MAEA: variants seen among roughly 807,000 people sequenced by gnomAD.
MAEA encodes the protein macrophage erythroblast attacher, E3 ubiquitin ligase.
A neutral mutation model predicts 46.2 loss-of-function variants in MAEA; 22 were observed. That is an observed-to-expected ratio of 0.48 (90% CI 0.34 to 0.68). MAEA has a LOEUF of 0.68. MAEA is among the 30% of genes least tolerant of loss of function. The pLI is 0.01. For missense variants in MAEA, 393 were observed against 558.1 expected, an observed-to-expected ratio of 0.70 and a Z score of 2.98; for synonymous variants, 246 against 222.6, an observed-to-expected ratio of 1.11 and a Z score of -0.94.
intron 5 of MAEA, among the ~76,000 whole-genome samples, chr4:1,328,184 G>T (rs11726178): frequency 0.14 from 21,071 of 152,152 alleles, 2,569 homozygotes; most frequent in East Asian, 0.42. Flanking sequence ...TCTCCGGCCT[G>T]TCTCCGACCC....
In MAEA at chr4:1,332,784, A is replaced by C; in HGVS notation, c.684A>C (p.Ala228=). The C allele has an allele frequency of 6.2e-7, 1 of 1,613,214 alleles. No homozygotes were observed. The highest frequency in any genetic ancestry group is 1.1e-5 in the South Asian group (1 of 91,044). ...VRHARKHFSQ[A]EGSQLDEVRQ... The stretch of plus-strand genomic sequence containing the variant: ...ATGCAAGAAAGCACTTCAGCCAAGC[A>C]GAAGGGAGCCAGCTGGACGAGGTGC... The change falls in exon 6 of 9, where the codon GCA becomes GCC. Residue 228 remains alanine, a synonymous_variant. Coordinates refer to ENST00000303400, the MANE Select transcript of MAEA (RefSeq NM_001017405.3).
rs527412920 is a variant in MAEA at position 1,304,353 on chromosome 4, C to G, written c.70-7626C>G. ...GTCTCTATGTTGCCCAGGCTGGTCT[C>G]CAACTCCTGGCCTCAAGCAGTCCTC... On this transcript the variant is annotated intron_variant, in intron 1 of 8. Coordinates refer to ENST00000303400, the MANE Select transcript of MAEA (RefSeq NM_001017405.3). Among the ~76,000 whole-genome samples, 142 of 152,026 alleles carry G rather than the reference C, an allele frequency of 9.3e-4. 1 individual carries two copies. Among genetic ancestry groups the G allele is most frequent in the African/African-American group, 3.4e-3 (140 of 41,444 alleles).
At chr4:1,303,621 A>C (rs1366299578) in intron 1 of MAEA, among the ~76,000 whole-genome samples, 1 of 152,030 alleles carries the variant, frequency 6.6e-6, no homozygotes, top group Non-Finnish European at 1.5e-5. Context: ...TTTATATGGA[A>C]TTGGTTGGTG....
Position 1,311,966 on chromosome 4 carries a change from C to T in MAEA, c.70-13C>T, listed in dbSNP as rs994403173. The T allele has an allele frequency of 6.2e-7, 1 of 1,600,132 alleles. No individual in the cohort carries two copies. Among genetic ancestry groups the T allele is most frequent in the Non-Finnish European group, 8.6e-7 (1 of 1,169,578 alleles). On this transcript the variant is annotated splice_polypyrimidine_tract_variant and intron_variant, in intron 1 of 8. Transcript: ENST00000303400. This position sits in a 1 kb window ranked among gnomAD's most constrained non-coding sequence, Gnocchi z 4.4. Reference sequence around the variant, plus strand: ...AGGGGAGCAGATCCCTCACCATCCTCCTTCCTCTCCAGGTGCCCTACGAGA... The same window carrying T: ...AGGGGAGCAGATCCCTCACCATCCTTCTTCCTCTCCAGGTGCCCTACGAGA...
chr4:1,337,264 G>A (rs1712897791), intron 7 of MAEA: 3 of 485,118 alleles, frequency 6.2e-6, no homozygotes, highest in Non-Finnish European at 7.4e-6. Flanking sequence ...CTAAAAGCCC[G>A]ATTTTGATGT....
intron 3 of MAEA, among the ~76,000 whole-genome samples, chr4:1,317,461 G>A (rs994060783): frequency 1.3e-5 from 2 of 151,614 alleles, no homozygotes; most frequent in African/African-American, 2.4e-5. Flanking sequence ...CCCGCACCTC[G>A]TTCACCTTCT....
At chr4:1,323,483 A>G in intron 4 of MAEA, 1 of 702,554 alleles carries the variant, frequency 1.4e-6, no homozygotes, top group African/African-American at 1.7e-5. Context: ...GGAGTGACAC[A>G]CTGCCACTCA....
intron 1 of MAEA, among the ~76,000 whole-genome samples, chr4:1,302,805 A>G (rs1178952884): frequency 6.6e-6 from 1 of 152,224 alleles, no homozygotes; most frequent in Non-Finnish European, 1.5e-5. Context: ...AAATGAGCAC[A>G]CAATTTTAGC....
chr4:1,331,952 TG>T (rs1306026843), intron 5 of MAEA: 2 of 152,776 alleles, frequency 1.3e-5, no homozygotes, highest in African/African-American at 4.8e-5. Flanking sequence ...CTGCATGTGG[TG>T]TGTGGCACGC....
chr4:1,336,742 G>T (rs12646130), intron 6 of MAEA, 119 bp from the exon 7 acceptor site: 5 of 862,830 alleles, frequency 5.8e-6, no homozygotes, highest in Admixed American at 2.6e-5. Flanking sequence ...CAAAGTGTGT[G>T]GGTCACTGGG....
intron 6 of MAEA, 89 bp downstream of exon 6, chr4:1,332,954 G>A (rs185417059): frequency 4.3e-5 from 40 of 923,876 alleles, no homozygotes; most frequent in Middle Eastern, 3.1e-4. Context: ...CACGTGGGGC[G>A]GGACGTGAGG....
chr4:1,313,387 C>T (rs1251120864), intron 2 of MAEA, among the ~76,000 whole-genome samples: 6 of 152,254 alleles, frequency 3.9e-5, no homozygotes, highest in South Asian at 2.1e-4. Context: ...GAGGGCTGCA[C>T]GGACTGCAGG....
rs1039092440 is a variant in MAEA, at chr4:1,305,731, G to A, written c.70-6248G>A. Among the ~76,000 whole-genome samples, 6 of 152,092 alleles carry A rather than the reference G, an allele frequency of 3.9e-5. No individual in the cohort carries two copies. In the East Asian group the frequency reaches 5.8e-4, roughly 15 times the overall value. On this transcript the variant is annotated intron_variant, in intron 1 of 8. Coordinates refer to ENST00000303400, the MANE Select transcript of MAEA (RefSeq NM_001017405.3). ...GGCACCCACATGTGTGTGTGCGCAC[G>A]CGTGTGTGGGAGTGTGCGTGCGTGC...
intron 1 of MAEA, among the ~76,000 whole-genome samples, chr4:1,302,722 C>G (rs577301830): frequency 6.6e-6 from 1 of 152,158 alleles, no homozygotes; most frequent in Non-Finnish European, 1.5e-5. Flanking sequence ...CCTCGTGATC[C>G]GCCCGCCTCA....
In MAEA at chr4:1,339,180, G is replaced by A. The variant is rs779321727; in HGVS notation, c.*11G>A. On this transcript the variant is annotated 3_prime_UTR_variant, in exon 9 of 9. Transcript: ENST00000303400. ...GTGTACATCATGTAGGCCCCACGTC[G>A]TGAAGCGCACGCCTCGGGGACGGGC... is the stretch of plus-strand genomic sequence containing the variant. 3 of 1,609,528 alleles carry A rather than the reference G, an allele frequency of 1.9e-6. No individual in the cohort carries two copies. Among genetic ancestry groups the A allele is most frequent in the Non-Finnish European group, 2.6e-6 (3 of 1,176,034 alleles).
At chr4:1,300,336 A>G (rs1354357333) in intron 1 of MAEA, among the ~76,000 whole-genome samples, 1 of 152,254 alleles carries the variant, frequency 6.6e-6, no homozygotes, top group Non-Finnish European at 1.5e-5. Flanking sequence ...ATTTATAATG[A>G]AAGGGACACC....
At chr4:1,294,061 C>T (rs747215572) in intron 1 of MAEA, among the ~76,000 whole-genome samples, 27 of 152,348 alleles carry the variant, frequency 1.8e-4, no homozygotes, top group Admixed American at 7.2e-4. Context: ...TCTGAGGAGT[C>T]TTAGGCCGGG....
chr4:1,336,519 G>A (rs142219764), intron 6 of MAEA, among the ~76,000 whole-genome samples: 111 of 151,958 alleles, frequency 7.3e-4, no homozygotes, highest in Admixed American at 1.2e-3. Context: ...CACTTGTCCC[G>A]CAGCATGTTG....
At chr4:1,297,484 TAG>T (rs899647274) in intron 1 of MAEA, among the ~76,000 whole-genome samples, 6 of 152,208 alleles carry the variant, frequency 3.9e-5, no homozygotes, top group African/African-American at 1.2e-4. Context: ...TACATACATA[TAG>T]AGAGAGAGCA....
Sources: gnomAD v4.1 joint callset for allele counts (sites outside exome capture counted in the v4.1 genomes callset) on GRCh38, gnomAD v4.1.1 for gene constraint, Gnocchi (gnomAD v3.1) non-coding constraint, MANE v1.5 for transcripts, NCBI Gene and HGNC (gene_info 2026-07-23, HGNC 2026-07-21) for gene names.